The following PPP1R3E variants were observed in gnomAD, a reference collection of about 807,000 sequenced individuals.
The protein encoded by PPP1R3E is protein phosphatase 1 regulatory subunit 3E.
Under a neutral mutation model 18.5 loss-of-function variants are expected in PPP1R3E, and 20 were observed. That is an observed-to-expected ratio of 1.08 (90% confidence interval 0.76 to 1.58). The LOEUF (loss-of-function observed/expected upper bound fraction) is 1.58. Ranked by LOEUF, PPP1R3E falls within the 40% of genes most tolerant of loss-of-function variation. The pLI, the probability that PPP1R3E is intolerant of heterozygous loss-of-function variation, is 0.00. For synonymous variants in PPP1R3E, 208 were observed against 208.1 expected, an observed-to-expected ratio of 1.00 and a Z score of 0.00; for missense variants, 498 against 460.2, an observed-to-expected ratio of 1.08 and a Z score of -0.75.
Position 23,302,462 on chromosome 14 carries a change from C to T in PPP1R3E, c.115G>A (p.Glu39Lys). Residue 39 changes from glutamate (E) to lysine (K), a missense_variant, in exon 1 of 5, where the codon GAG becomes AAG. Coordinates refer to ENST00000452015, the MANE Select transcript of PPP1R3E (RefSeq NM_001276318.2). ...GTCCCGCCCTCGCCTGGCTCCTCCTCCGGCTCCTCCTCGAGGCTGGGCCGC... is the reference window on the plus strand; with the variant it reads ...GTCCCGCCCTCGCCTGGCTCCTCCTTCGGCTCCTCCTCGAGGCTGGGCCGC... ...SQRPSLEEEPEEEPGEGGTRF... is the reference protein window; with the variant it reads ...SQRPSLEEEPKEEPGEGGTRF... 3 of 1,507,890 alleles carry T rather than the reference C, an allele frequency of 2.0e-6. No individual in the cohort carries two copies. Among genetic ancestry groups the T allele is most frequent in the Non-Finnish European group, 2.6e-6 (3 of 1,136,662 alleles). The allele number at this position is 1,507,890 out of a possible 1,614,324, so 93.4% of individuals were successfully genotyped here.
Position 23,296,327 on chromosome 14 carries a change from T to C in PPP1R3E, c.*2977A>G, listed in dbSNP as rs1238759003. The C allele has an allele frequency of 6.6e-6, 1 of 152,098 alleles. No homozygotes were observed. Among genetic ancestry groups the C allele is most frequent in the African/African-American group, 2.4e-5 (1 of 41,432 alleles). 9.4% of individuals were successfully genotyped at this position (152,098 alleles called of 1,614,324 possible). On this transcript the variant is annotated 3_prime_UTR_variant, in exon 5 of 5. Transcript: ENST00000452015. Reference sequence around the variant, plus strand: ...ACATTTCTGATGTTATCCCTTGCCATGAAGAATCACGGGCTTGTGTAGAGA... The same window carrying C: ...ACATTTCTGATGTTATCCCTTGCCACGAAGAATCACGGGCTTGTGTAGAGA...
rs1482225382 is a variant in PPP1R3E at position 23,301,863 on chromosome 14, G to A, written c.418-5C>T. ...CTCCAGGGCGGCGCGCGCCTCCTGG[G>A]GGAAAGAAGAAGCGGGAGGAGGGAG... On this transcript the variant is annotated splice_polypyrimidine_tract_variant and splice_region_variant and intron_variant, in intron 1 of 4. Coordinates refer to ENST00000452015, the MANE Select transcript of PPP1R3E (RefSeq NM_001276318.2). 25 of 1,428,802 alleles carry A rather than the reference G, an allele frequency of 1.7e-5. No homozygotes were observed. The African/African-American group carries it at 2.1e-4, about 12-fold the overall frequency. The allele number at this position is 1,428,802 out of a possible 1,614,324, so 88.5% of individuals were successfully genotyped here.
Position 23,302,323 on chromosome 14 carries a change from C to T in PPP1R3E, c.254G>A (p.Arg85His), listed in dbSNP as rs1210992248. 2 of 1,515,014 alleles carry T rather than the reference C, an allele frequency of 1.3e-6. No individual in the cohort carries two copies. Among genetic ancestry groups the T allele is most frequent in the Non-Finnish European group, 1.8e-6 (2 of 1,139,822 alleles). The allele number at this position is 1,515,014 out of a possible 1,614,324, so 93.8% of individuals were successfully genotyped here. A position where few individuals can be genotyped will look rare whatever the true frequency, so the allele number is the denominator to read the frequency against. ...TGCGTCGGCGAAACGCACTCTCTTG[C>T]GGGTGTCTGGGCTACGGCTGCGGGG... Reference protein sequence around the residue: ...RAPRSRSPDTRKRVRFADALG... With the variant: ...RAPRSRSPDTHKRVRFADALG... Residue 85 changes from arginine (R) to histidine (H), a missense_variant, in exon 1 of 5, where the codon CGC (arginine) becomes CAC (histidine). Transcript: ENST00000452015.
In PPP1R3E at chr14:23,302,226, C is replaced by T; in HGVS notation, c.351G>A (p.Gln117=). ...GGAGGGCGTCCCTCTGCAATTGGATCTGCACGTGGCGGGGCACCCGGGGCA... is the reference window on the plus strand; with the variant it reads ...GGAGGGCGTCCCTCTGCAATTGGATTTGCACGTGGCGGGGCACCCGGGGCA... ...GELPRVPRHV[Q]IQLQRDALRH... Residue 117 remains glutamine (Q), a synonymous_variant, in exon 1 of 5, where the codon CAG becomes CAA. Coordinates refer to ENST00000452015, the MANE Select transcript of PPP1R3E (RefSeq NM_001276318.2). 1 of 1,505,218 alleles carries T rather than the reference C, an allele frequency of 6.6e-7. No homozygotes were observed. The highest frequency in any genetic ancestry group is 2.7e-5 in the East Asian group (1 of 37,100). The allele number at this position is 1,505,218 out of a possible 1,614,324, so 93.2% of individuals were successfully genotyped here. A position where few individuals can be genotyped will look rare whatever the true frequency, so the allele number is the denominator to read the frequency against.
chr14:23,302,002 G>A, intron 1 of PPP1R3E, 144 bp from the exon 2 acceptor site: 2 of 1,248,362 alleles, frequency 1.6e-6, no homozygotes, highest in Non-Finnish European at 2.1e-6. Context: ...TGCCAGGGTG[G>A]CCTAGAGCCA....
At chr14:23,302,095 T>G in intron 1 of PPP1R3E, 65 bp downstream of exon 1, 1 of 1,369,104 alleles carries the variant, frequency 7.3e-7, no homozygotes, top group South Asian at 1.6e-5. Flanking sequence ...GCAAATCCAC[T>G]CCCACAAGCC....
chr14:23,300,113 T>C (rs564981598), intron 3 of PPP1R3E: 3 of 152,254 alleles, frequency 2.0e-5, no homozygotes, highest in Non-Finnish European at 2.9e-5. Context: ...CTACCCACAG[T>C]TGTCTCAGAG....
intron 4 of PPP1R3E, 92 bp downstream of exon 4, chr14:23,299,309 T>G (rs937765294): frequency 2.5e-4 from 38 of 154,130 alleles, no homozygotes; most frequent in African/African-American, 8.6e-4. Flanking sequence ...TGTGCATGCC[T>G]GTCCCCTTTC....
In PPP1R3E at chr14:23,301,724, G is replaced by A. The variant is rs563224661; in HGVS notation, c.552C>T (p.Ala184=). 2.3e-4 allele frequency: 319 copies of A among 1,409,962 alleles called. No homozygotes were observed. The highest frequency in any genetic ancestry group is 7.5e-4 in the East Asian group (24 of 31,880). The allele number at this position is 1,409,962 out of a possible 1,614,324, so 87.3% of individuals were successfully genotyped here. ...VAGSARVVDL[A]YEKRVSVRWS... ...AGCGCACGCTCACGCGCTTCTCGTA[G>A]GCCAGGTCCACCACGCGCGCGCTCC... is the stretch of plus-strand genomic sequence containing the variant. The change falls in exon 2 of 5, where the codon GCC becomes GCT. Residue 184 remains alanine, a synonymous_variant. Transcript: ENST00000452015.
At chr14:23,300,485 C>T (rs892924497) in intron 3 of PPP1R3E, 4 of 152,270 alleles carry the variant, frequency 2.6e-5, no homozygotes, top group African/African-American at 9.6e-5. Context: ...GTAACTCGCC[C>T]AAAGTTATAT....
In PPP1R3E at chr14:23,299,543, T is replaced by C. The variant is rs954004420; in HGVS notation, c.*246-2A>G. 26 of 152,136 alleles carry C rather than the reference T, an allele frequency of 1.7e-4. No individual in the cohort carries two copies. The highest frequency in any genetic ancestry group is 6.3e-4 in the African/African-American group (26 of 41,330). 9.4% of individuals were successfully genotyped at this position (152,136 alleles called of 1,614,324 possible). ...AAGAAAATAGGGTTTCCATCCCTTC[T>C]GGAGGGAGAAGGAATAGCAGAGATG... On this transcript the variant is annotated splice_acceptor_variant, in intron 3 of 4. Transcript: ENST00000452015. LOFTEE classifies it low-confidence loss of function (3UTR_SPLICE).
In PPP1R3E at chr14:23,302,693, G is replaced by C. The variant is rs1284531505; in HGVS notation, c.-117C>G. On this transcript the variant is annotated 5_prime_UTR_variant, in exon 1 of 5. Transcript: ENST00000452015. ...GCTGGGTCCGCTTCTGCAGCCCCTC[G>C]CTGCTGTGTATTCTCCTTGCAGACA... The C allele has an allele frequency of 2.4e-5, 26 of 1,092,646 alleles. No individual in the cohort carries two copies. The highest frequency in any genetic ancestry group is 3.2e-5 in the Non-Finnish European group (26 of 811,904). 67.7% of individuals were successfully genotyped at this position (1,092,646 alleles called of 1,614,324 possible). A position where few individuals can be genotyped will look rare whatever the true frequency, so the allele number is the denominator to read the frequency against.
Position 23,302,171 on chromosome 14 carries a change from G to A in PPP1R3E, c.406C>T (p.Arg136Cys). 1 of 1,412,066 alleles carries A rather than the reference G, an allele frequency of 7.1e-7. No homozygotes were observed. The highest frequency in any genetic ancestry group is 9.2e-7 in the Non-Finnish European group (1 of 1,090,044). 87.5% of individuals were successfully genotyped at this position (1,412,066 alleles called of 1,614,324 possible). Residue 136 changes from arginine (R) to cysteine (C), a missense_variant, in exon 1 of 5, where the codon CGC becomes TGC. Transcript: ENST00000452015. ...CCCCCGCCGCCTACCTGGAGGCCGC[G>A]GGCGCGGGGCTGGCAGGGCGCGAAG... ...RHFAPCQPRA[R>C]GLQEARAALE...
chr14:23,301,825 G>T lies in PPP1R3E; in HGVS notation c.451C>A (p.Pro151Thr), dbSNP rs1348300368. The T allele has an allele frequency of 5.4e-6, 8 of 1,470,980 alleles. No individual in the cohort carries two copies. In the African/African-American group the frequency reaches 1.0e-4, roughly 19 times the overall value. 91.1% of individuals were successfully genotyped at this position (1,470,980 alleles called of 1,614,324 possible). A position where few individuals can be genotyped will look rare whatever the true frequency, so the allele number is the denominator to read the frequency against. The change falls in exon 2 of 5, where the codon CCC becomes ACC. Residue 151 changes from proline to threonine, a missense_variant. Transcript: ENST00000452015. ...ARAALEPASE[P>T]GFAARLLTQR... is the part of the protein sequence containing the mutation. ...GTCAGCAAGCGGGCGGCGAAGCCGG[G>T]CTCGCTGGCCGGCTCCAGGGCGGCG...
rs1886908761 is a variant in PPP1R3E at position 23,297,512 on chromosome 14, C to T, written c.*1792G>A. 2 of 152,230 alleles carry T rather than the reference C, an allele frequency of 1.3e-5. No individual in the cohort carries two copies. Among genetic ancestry groups the T allele is most frequent in the South Asian group, 2.1e-4 (1 of 4,828 alleles). 9.4% of individuals were successfully genotyped at this position (152,230 alleles called of 1,614,324 possible). ...GTTGGGAAAATCTCAGTGCTGAAGTCCTGGGAGAGGAGTACACACCAAAGC... is the reference window on the plus strand; with the variant it reads ...GTTGGGAAAATCTCAGTGCTGAAGTTCTGGGAGAGGAGTACACACCAAAGC... On this transcript the variant is annotated 3_prime_UTR_variant, in exon 5 of 5. Transcript: ENST00000452015.
chr14:23,302,294 C>T lies in PPP1R3E; in HGVS notation c.283G>A (p.Gly95Arg). The change falls in exon 1 of 5, where the codon GGG (glycine) becomes AGG (arginine). Residue 95 changes from glycine to arginine, a missense_variant. By Grantham distance (125) the Gly-to-Arg change is moderately radical (BLOSUM62 -2). Coordinates refer to ENST00000452015, the MANE Select transcript of PPP1R3E (RefSeq NM_001276318.2). ...RKRVRFADALGLELAVVRRFR... is the reference protein window; with the variant it reads ...RKRVRFADALRLELAVVRRFR... ...CGGCGCACGACAGCCAGCTCCAACC[C>T]CAGTGCGTCGGCGAAACGCACTCTC... 6.6e-7 allele frequency: 1 copy of T among 1,520,540 alleles called. No individual in the cohort carries two copies. The highest frequency in any genetic ancestry group is 8.8e-7 in the Non-Finnish European group (1 of 1,141,844). 94.2% of individuals were successfully genotyped at this position (1,520,540 alleles called of 1,614,324 possible). A position where few individuals can be genotyped will look rare whatever the true frequency, so the allele number is the denominator to read the frequency against.
Position 23,302,589 on chromosome 14 carries a change from C to T in PPP1R3E, c.-13G>A. ...GCTCACGGGACATGGCAGCCCCTTC[C>T]CCGGCGGGGCCAGCTCGCAGCGCCA... is the stretch of plus-strand genomic sequence containing the variant. On this transcript the variant is annotated 5_prime_UTR_variant, in exon 1 of 5. Transcript: ENST00000452015. The T allele has an allele frequency of 3.5e-6, 5 of 1,413,830 alleles. No homozygotes were observed. Among genetic ancestry groups the T allele is most frequent in the Non-Finnish European group, 4.6e-6 (5 of 1,093,416 alleles). The allele number at this position is 1,413,830 out of a possible 1,614,324, so 87.6% of individuals were successfully genotyped here.
rs1438686068 is a variant in PPP1R3E, at chr14:23,301,389, C to G, written c.*47G>C. 7.6e-7 allele frequency: 1 copy of G among 1,322,370 alleles called. No individual in the cohort carries two copies. The highest frequency in any genetic ancestry group is 3.5e-5 in the Admixed American group (1 of 28,578). The allele number at this position is 1,322,370 out of a possible 1,614,324, so 81.9% of individuals were successfully genotyped here. On this transcript the variant is annotated 3_prime_UTR_variant, in exon 2 of 5. Transcript: ENST00000452015. ...CCCCGCCACATCGGGTCGCCCCGCC[C>G]CCGGGTGCCTTTGGTGTTTTCCGCC...
Position 23,302,578 on chromosome 14 carries a change from G to T in PPP1R3E, c.-2C>A. On this transcript the variant is annotated 5_prime_UTR_variant, in exon 1 of 5. Transcript: ENST00000452015. ...GCCCGGGGGCCGCTCACGGGACATG[G>T]CAGCCCCTTCCCCGGCGGGGCCAGC... The T allele has an allele frequency of 7.0e-7, 1 of 1,435,486 alleles. No homozygotes were observed. The highest frequency in any genetic ancestry group is 9.1e-7 in the Non-Finnish European group (1 of 1,104,258). The allele number at this position is 1,435,486 out of a possible 1,614,324, so 88.9% of individuals were successfully genotyped here.
Sources: gnomAD v4.1 joint callset for allele counts on GRCh38, gnomAD v4.1.1 for gene constraint, MANE v1.5 for transcripts, NCBI Gene and HGNC (gene_info 2026-07-23, HGNC 2026-07-21) for gene names.